The following PRR4 variants were observed in gnomAD, a reference collection of about 807,000 sequenced individuals.
The protein encoded by PRR4 is proline rich 4, also known as proline-rich protein 4.
A neutral mutation model predicts 7.6 loss-of-function variants in PRR4; 7 were observed. The ratio of observed to expected loss-of-function variants is 0.92; its 90% CI spans 0.52 to 1.73. The LOEUF is 1.73. PRR4 is among the 40% of genes most tolerant of loss of function. The probability of loss-of-function intolerance (pLI) is 0.00; values close to 1 mark genes in which losing one functional copy is unlikely to be tolerated. For missense variants in PRR4, 187 were observed against 161.0 expected, an observed-to-expected ratio of 1.16 and a Z score of -0.87; for synonymous variants, 64 against 58.5, an observed-to-expected ratio of 1.09 and a Z score of -0.43.
At chr12:10,847,002 G>T in intron 3 of PRR4, 43 bp downstream of exon 3, 1 of 1,448,672 alleles carries the variant, frequency 6.9e-7, no homozygotes, top group Non-Finnish European at 9.3e-7. Flanking sequence ...TTTGGGAATG[G>T]TAGCAGTTTG....
intron 3 of PRR4, among the ~76,000 whole-genome samples, chr12:10,846,710 G>A (rs950274905): frequency 9.9e-5 from 15 of 152,088 alleles, no homozygotes; most frequent in African/African-American, 3.4e-4. Flanking sequence ...GAGATGGAGA[G>A]TCCTTGGGTT....
chr12:10,846,662 G>C (rs988425473), intron 3 of PRR4, among the ~76,000 whole-genome samples: 1 of 152,184 alleles, frequency 6.6e-6, no homozygotes, highest in Non-Finnish European at 1.5e-5. Flanking sequence ...AGGCAGGACT[G>C]AGCAAAGAGT....
At chr12:10,846,621 G>C (rs1949021029) in intron 3 of PRR4, among the ~76,000 whole-genome samples, 1 of 152,066 alleles carries the variant, frequency 6.6e-6, no homozygotes, top group African/African-American at 2.4e-5. Context: ...GTATCATTTA[G>C]CAGGGACACT....
Position 10,845,907 on chromosome 12 carries a change from C to G in PRR4, c.*62G>C. On this transcript the variant is annotated 3_prime_UTR_variant, in exon 4 of 4. Coordinates refer to ENST00000228811, the MANE Select transcript of PRR4 (RefSeq NM_007244.3). ...AGAAAGAGTTATGACCACATTATTT[C>G]AATGTCATGGCTTTCTGAAGGAAGT... The G allele has an allele frequency of 7.6e-7, 1 of 1,308,334 alleles. No homozygotes were observed. The highest frequency in any genetic ancestry group is 1.8e-5 in the South Asian group (1 of 54,810). The allele number at this position is 1,308,334 out of a possible 1,614,324, so 81.0% of individuals were successfully genotyped here. A position where few individuals can be genotyped will look rare whatever the true frequency, so the allele number is the denominator to read the frequency against.
chr12:10,847,845 CAGAAGAGAA>C (rs1322637140), intron 2 of PRR4, among the ~76,000 whole-genome samples: 1 of 152,098 alleles, frequency 6.6e-6, no homozygotes, highest in Non-Finnish European at 1.5e-5. Flanking sequence ...TACTAAGAGA[CAGAAGAGAA>C]AGACAATGTG....
At chr12:10,848,188 C>T (rs913189675) in intron 2 of PRR4, among the ~76,000 whole-genome samples, 184 bp downstream of exon 2, 3 of 152,040 alleles carry the variant, frequency 2.0e-5, no homozygotes, top group African/African-American at 7.2e-5. Flanking sequence ...GGCTCATGGT[C>T]CCCAGAATCA....
At position 10,845,889 on chromosome 12, in the gene PRR4, G is replaced by C. The variant is rs1949009949; in HGVS notation, c.*80C>G. On this transcript the variant is annotated 3_prime_UTR_variant, in exon 4 of 4. Transcript: ENST00000228811. ...ATTTTATTGGTATACTGAAGAAAGA[G>C]TTATGACCACATTATTTCAATGTCA... 2 of 1,250,110 alleles carry C rather than the reference G, an allele frequency of 1.6e-6. No individual in the cohort carries two copies. Among genetic ancestry groups the C allele is most frequent in the Non-Finnish European group, 1.0e-6 (1 of 953,996 alleles). The allele number at this position is 1,250,110 out of a possible 1,614,324, so 77.4% of individuals were successfully genotyped here.
At position 10,847,339 on chromosome 12, in the gene PRR4, A is replaced by G. The variant is rs199721298; in HGVS notation, c.129T>C (p.Asp43=). Residue 43 remains aspartate, a synonymous_variant, in exon 3 of 4, where the codon GAT becomes GAC. Transcript: ENST00000228811. ...PDVEDSSQRP[D]QGPQRPPPEG... is the part of the protein sequence containing the mutation. Reference sequence around the variant, plus strand: ...CAGGAGGAGGTCTCTGGGGTCCCTGATCTGGTCTCTGACTTGAGTCCTCTA... The same window carrying G: ...CAGGAGGAGGTCTCTGGGGTCCCTGGTCTGGTCTCTGACTTGAGTCCTCTA... 3.0e-4 allele frequency: 461 copies of G among 1,555,764 alleles called. No individual in the cohort carries two copies. Among genetic ancestry groups the G allele is most frequent in the Non-Finnish European group, 3.7e-4 (426 of 1,149,760 alleles).
At chr12:10,849,268 C>G (rs1434840828) in intron 1 of PRR4, 106 bp downstream of exon 1, 6 of 527,804 alleles carry the variant, frequency 1.1e-5, no homozygotes, top group Non-Finnish European at 1.9e-5. Context: ...TCCTCCCCTC[C>G]TGCTCTTCCG....
chr12:10,846,975 T>G, intron 3 of PRR4, 70 bp downstream of exon 3: 1 of 1,323,042 alleles, frequency 7.6e-7, no homozygotes, highest in Non-Finnish European at 1.0e-6. Context: ...TCCAATTGAT[T>G]TGTGAACACG....
intron 3 of PRR4, among the ~76,000 whole-genome samples, chr12:10,846,452 T>C (rs757504886): frequency 3.9e-5 from 6 of 152,196 alleles, no homozygotes; most frequent in Non-Finnish European, 5.9e-5. Flanking sequence ...TTAAGGGTGG[T>C]GACTTTTGGT....
chr12:10,848,836 GTGATT>G (rs1290501959), intron 1 of PRR4: 2 of 164,262 alleles, frequency 1.2e-5, no homozygotes, highest in Non-Finnish European at 2.6e-5. Context: ...AATTTTAAAT[GTGATT>G]GGAAGAAAAA....
At chr12:10,849,223 G>A (rs1482602372) in intron 1 of PRR4, 151 bp downstream of exon 1, 1 of 383,374 alleles carries the variant, frequency 2.6e-6, no homozygotes, top group African/African-American at 2.0e-5. Flanking sequence ...CTTGGAATGA[G>A]AGCTCCAAAG....
intron 2 of PRR4, among the ~76,000 whole-genome samples, chr12:10,847,957 T>C (rs989148037): frequency 2.6e-5 from 4 of 152,234 alleles, no homozygotes; most frequent in African/African-American, 9.6e-5. Context: ...AAGACATTCA[T>C]GCAGTGATTT....
intron 2 of PRR4, among the ~76,000 whole-genome samples, chr12:10,847,968 T>C (rs1949043591): frequency 1.3e-5 from 2 of 152,202 alleles, no homozygotes; most frequent in Non-Finnish European, 2.9e-5. Context: ...GCAGTGATTT[T>C]TTTGTTTTGT....
In PRR4 at chr12:10,847,181, C is replaced by T. The variant is rs1063193; in HGVS notation, c.287G>A (p.Arg96Gln). Residue 96 changes from arginine (R) to glutamine (Q), a missense_variant, in exon 3 of 4, where the codon CGA becomes CAA. Physicochemically the swap from Arg to Gln is conservative, Grantham distance 43. Transcript: ENST00000228811. ...PPFQNQQRPP[R>Q]RGHRQLSLPR... ...TAGAGAGAGTTGACGGTGTCCTCGT[C>T]GGGGTGGTCGTTGCTGATTTTGAAA... The T allele has an allele frequency of 0.57, 918,413 of 1,612,768 alleles. 268,556 individuals carry two copies. The highest frequency in any genetic ancestry group is 0.73 in the East Asian group (32,576 of 44,812).
intron 2 of PRR4, 43 bp downstream of exon 2, chr12:10,848,329 A>G (rs749670713): frequency 1.3e-6 from 2 of 1,567,638 alleles, no homozygotes; most frequent in Non-Finnish European, 1.7e-6. Context: ...ATTCTAGTGG[A>G]AAAAGAAAGA....
intron 3 of PRR4, among the ~76,000 whole-genome samples, chr12:10,846,432 G>A (rs1949017932): frequency 6.6e-6 from 1 of 152,134 alleles, no homozygotes; most frequent in Non-Finnish European, 1.5e-5. Flanking sequence ...CCAGGAGGAT[G>A]TTCAAAAAAT....
rs140937764 is a variant in PRR4, at chr12:10,846,104, A to G, written c.*19-154T>C. The stretch of plus-strand genomic sequence containing the variant: ...GTGTTTATGTTTTGGTTACTGTTCA[A>G]AACATTCAAGGTTATATTTATGAAA... On this transcript the variant is annotated intron_variant, in intron 3 of 3. Transcript: ENST00000228811. Among the ~76,000 whole-genome samples, 361 of 152,320 alleles carry G rather than the reference A, an allele frequency of 2.4e-3. 2 individuals are homozygous for G. The highest frequency in any genetic ancestry group is 8.3e-3 in the African/African-American group (344 of 41,572).
Sources: allele counts gnomAD v4.1 joint callset (sites outside exome capture counted in the v4.1 genomes callset), GRCh38; gene constraint gnomAD v4.1.1; transcripts MANE v1.5; gene names NCBI Gene and HGNC (gene_info 2026-07-23, HGNC 2026-07-21).